The following MORN1 variants were observed in gnomAD, a reference collection of about 807,000 sequenced individuals.
MORN1 encodes the protein MORN repeat containing 1.
In MORN1, 67 loss-of-function variants were observed where a neutral mutation model predicts 61.9. The observed-to-expected ratio is 1.08, with a 90% confidence interval of 0.89 to 1.33. The LOEUF is 1.33. Ranked by LOEUF, MORN1 falls within the 40% of genes most tolerant of loss-of-function variation. The pLI is 0.00. For synonymous variants in MORN1, 301 were observed against 292.0 expected (o/e 1.03, Z -0.31); for missense variants, 752 against 691.2 (o/e 1.09, Z -0.99).
chr1:2,355,569 C>T (rs1569981279), intron 10 of MORN1: 6 of 1,303,226 alleles, frequency 4.6e-6, no homozygotes, highest in Admixed American at 2.1e-5. Context: ...GCCCTGGTGG[C>T]GGAGGCTCTT....
chr1:2,321,317 G>A lies in MORN1; in HGVS notation c.*66C>T. The A allele has an allele frequency of 8.4e-7, 1 of 1,191,564 alleles. No homozygotes were observed. The highest frequency in any genetic ancestry group is 1.1e-6 in the Non-Finnish European group (1 of 876,930). 73.8% of individuals were successfully genotyped at this position (1,191,564 alleles called of 1,614,324 possible). On this transcript the variant is annotated 3_prime_UTR_variant, in exon 14 of 14. Transcript: ENST00000378531. ...GGGCTCTGGAGAATCGGGGAGCAGA[G>A]TCACGCAAGCAGAGGCAGCGTTTCC...
intron 6 of MORN1, chr1:2,379,233 G>A (rs1346192766): frequency 2.2e-6 from 1 of 453,618 alleles, no homozygotes; most frequent in South Asian, 1.6e-5. Flanking sequence ...CAGAGCTGAT[G>A]TAGGAGGTGC....
intron 10 of MORN1, among the ~76,000 whole-genome samples, chr1:2,342,570 G>C (rs374299914): frequency 6.6e-6 from 1 of 152,074 alleles, no homozygotes; most frequent in East Asian, 1.9e-4. Flanking sequence ...GGGAACACGC[G>C]GGGGCACACA....
At chr1:2,350,544 T>A (rs1164004540) in intron 10 of MORN1, 1 of 152,152 alleles carries the variant, frequency 6.6e-6, no homozygotes, top group Non-Finnish European at 1.5e-5. Flanking sequence ...GGGGGTTGAG[T>A]GTGAGCTCCT....
chr1:2,361,225 C>T (rs1641883784), intron 8 of MORN1, among the ~76,000 whole-genome samples: 1 of 152,138 alleles, frequency 6.6e-6, no homozygotes, highest in Non-Finnish European at 1.5e-5. Context: ...TAACTGTATT[C>T]CATGTTCCAA....
Position 2,370,175 on chromosome 1 carries a change from G to T in MORN1, c.745+2306C>A, listed in dbSNP as rs539700637. On this transcript the variant is annotated intron_variant, in intron 8 of 13. Coordinates refer to ENST00000378531, the MANE Select transcript of MORN1 (RefSeq NM_024848.3). ...GACAGATCAGTGGAGCAGACGGGGGGTCCAGGCATCAACCCTGACTCTTAG... is the reference window on the plus strand; with the variant it reads ...GACAGATCAGTGGAGCAGACGGGGGTTCCAGGCATCAACCCTGACTCTTAG... Among the ~76,000 whole-genome samples the T allele has an allele frequency of 1.2e-4, 18 of 152,336 alleles. No homozygotes were observed. The South Asian group carries it at 3.1e-3, about 26-fold the overall frequency.
chr1:2,339,524 AT>A, intron 10 of MORN1, among the ~76,000 whole-genome samples: 1 of 152,182 alleles, frequency 6.6e-6, no homozygotes, highest in South Asian at 2.1e-4. Context: ...CCTGCACCAT[AT>A]CCTGTGCACC....
chr1:2,374,388 A>G, intron 7 of MORN1, 73 bp downstream of exon 7: 2 of 1,364,094 alleles, frequency 1.5e-6, no homozygotes, highest in Non-Finnish European at 2.0e-6. Context: ...TGTTTCCCAT[A>G]TGGCTGCCCG....
intron 12 of MORN1, among the ~76,000 whole-genome samples, chr1:2,325,552 G>C (rs1641009201): frequency 6.6e-6 from 1 of 151,646 alleles, no homozygotes; most frequent in Non-Finnish European, 1.5e-5. Flanking sequence ...TCACTATGTT[G>C]CCCAGGTTGG....
At chr1:2,325,140 C>CTCCCTTCCCTTCCTTCCT (rs1553205809) in intron 12 of MORN1, among the ~76,000 whole-genome samples, 1 of 6,692 alleles carries the variant, frequency 1.5e-4, no homozygotes, top group Non-Finnish European at 2.5e-4. Context: ...CCTTCCCTCC[C>CTCCCTTCCCTTCCTTCCT]TCCCTCCCTT....
chr1:2,328,738 C>T (rs1641086878), intron 12 of MORN1, among the ~76,000 whole-genome samples: 1 of 152,220 alleles, frequency 6.6e-6, no homozygotes, highest in Non-Finnish European at 1.5e-5. Flanking sequence ...TCTGTAACAG[C>T]CCCAGGCACA....
At chr1:2,332,341 T>C in intron 12 of MORN1, 1 of 335,438 alleles carries the variant, frequency 3.0e-6, no homozygotes, top group Non-Finnish European at 5.9e-6. Context: ...CAGCACACCC[T>C]GGTGAGCATA....
intron 1 of MORN1, among the ~76,000 whole-genome samples, chr1:2,391,104 C>T (rs971972176): frequency 3.3e-5 from 5 of 152,220 alleles, no homozygotes; most frequent in Admixed American, 3.3e-4. Context: ...GCTGCTCCTG[C>T]GCCTGCCCTC....
intron 10 of MORN1, among the ~76,000 whole-genome samples, chr1:2,348,260 C>T (rs368112634): frequency 1.3e-5 from 2 of 152,226 alleles, no homozygotes; most frequent in South Asian, 2.1e-4. Flanking sequence ...ACCCGGGTTA[C>T]GCATCTTTGG....
chr1:2,327,910 C>A (rs1641071943), intron 12 of MORN1, among the ~76,000 whole-genome samples: 1 of 152,384 alleles, frequency 6.6e-6, no homozygotes, highest in African/African-American at 2.4e-5. Context: ...GTCTTGGCAA[C>A]CCCCTTACTG....
intron 6 of MORN1, 56 bp from the exon 7 acceptor site, chr1:2,374,613 C>T (rs1642195155): frequency 4.1e-6 from 6 of 1,460,782 alleles, no homozygotes; most frequent in Non-Finnish European, 5.6e-6. Context: ...TTTTGTGGGT[C>T]CCCGCATGGC....
Position 2,357,683 on chromosome 1 carries a change from C to CA in MORN1, c.870-86_870-85insT. Reference sequence around the variant, plus strand: ...AGACAGCGTGGCCCACGCCCTGGACCCTGGGACTTGCCTACACTGAGTCCA... The same window carrying CA: ...AGACAGCGTGGCCCACGCCCTGGACCACTGGGACTTGCCTACACTGAGTCCA... On this transcript the variant is annotated intron_variant, in intron 9 of 13. Transcript: ENST00000378531. This position sits in a 1 kb window ranked among gnomAD's most constrained non-coding sequence, Gnocchi z 6.3. 6 of 1,466,182 alleles carry CA rather than the reference C, an allele frequency of 4.1e-6. No individual in the cohort carries two copies. Among genetic ancestry groups the CA allele is most frequent in the Admixed American group, 2.3e-5 (1 of 43,858 alleles). 90.8% of individuals were successfully genotyped at this position (1,466,182 alleles called of 1,614,324 possible).
At chr1:2,361,255 A>T (rs1641884088) in intron 8 of MORN1, among the ~76,000 whole-genome samples, 1 of 152,178 alleles carries the variant, frequency 6.6e-6, no homozygotes, top group East Asian at 1.9e-4. Flanking sequence ...GACACACAGA[A>T]GATATAAACA....
At chr1:2,321,750 G>A (rs1640885661) in intron 13 of MORN1, among the ~76,000 whole-genome samples, 171 bp from the exon 14 acceptor site, 1 of 152,156 alleles carries the variant, frequency 6.6e-6, no homozygotes, top group South Asian at 2.1e-4. Flanking sequence ...CTGGCCACCG[G>A]ACCGGTCCTG....
Sources: allele counts gnomAD v4.1 joint callset (sites outside exome capture counted in the v4.1 genomes callset), GRCh38; gene constraint gnomAD v4.1.1; non-coding constraint Gnocchi (gnomAD v3.1); transcripts MANE v1.5; gene names NCBI Gene and HGNC (gene_info 2026-07-23, HGNC 2026-07-21).